Variants in INO80 observed in about 807,000 individuals in gnomAD.
The protein encoded by INO80 is chromatin-remodeling ATPase INO80.
In INO80, 20 loss-of-function variants were observed where a neutral mutation model predicts 203.4. The observed-to-expected ratio is 0.10, with a 90% confidence interval of 0.07 to 0.14. INO80 has a LOEUF of 0.14. Among genes scored for constraint, INO80 ranks in the 10% least tolerant of loss-of-function variants. The pLI is 1.00. For missense variants in INO80, 1,419 were observed against 1,914.4 expected (o/e 0.74, Z 4.83); for synonymous variants, 726 against 685.2 (o/e 1.06, Z -0.93).
intron 23 of INO80, among the ~76,000 whole-genome samples, chr15:41,046,206 C>CATACATACAT (rs1268610100): frequency 1.4e-4 from 2 of 14,426 alleles, no homozygotes; most frequent in Admixed American, 9.7e-4. Context: ...CGTATACATA[C>CATACATACAT]ATATATATAT....
intron 29 of INO80, among the ~76,000 whole-genome samples, chr15:40,990,702 C>T (rs564271624): frequency 5.9e-5 from 9 of 152,258 alleles, no homozygotes; most frequent in East Asian, 3.9e-4. Context: ...CCTGACCACA[C>T]GACATTTTGG....
rs562209653 is a variant in INO80 at position 41,081,245 on chromosome 15, G to T, written c.874-172C>A. ...ATTGTCTCAACGCCATACATAAAACGATTAAAGAAGCATTCAAGAAGAATA... is the reference window on the plus strand; with the variant it reads ...ATTGTCTCAACGCCATACATAAAACTATTAAAGAAGCATTCAAGAAGAATA... On this transcript the variant is annotated intron_variant, in intron 7 of 35. Coordinates refer to ENST00000648947, the MANE Select transcript of INO80 (RefSeq NM_017553.3). Among the ~76,000 whole-genome samples the T allele has an allele frequency of 2.0e-5, 3 of 152,222 alleles. No homozygotes were observed. In the East Asian group the frequency reaches 5.8e-4, roughly 29 times the overall value.
chr15:41,058,722 C>T lies in INO80; in HGVS notation c.1902G>A (p.Val634=), dbSNP rs2045046230. ...GCTGGAAATACTTTACATCCTGCAC[C>T]ACCAGCTGATAGCTGGTAATAACCA... is the stretch of plus-strand genomic sequence containing the variant. ...FHVVITSYQL[V]VQDVKYFQRV... Residue 634 remains valine, a synonymous_variant, in exon 16 of 36, where the codon GTG becomes GTA. Transcript: ENST00000648947. The T allele has an allele frequency of 6.2e-7, 1 of 1,613,770 alleles. No individual in the cohort carries two copies. The highest frequency in any genetic ancestry group is 1.3e-5 in the African/African-American group (1 of 74,878).
chr15:41,028,122 A>G (rs2044404350), intron 24 of INO80, among the ~76,000 whole-genome samples: 1 of 152,078 alleles, frequency 6.6e-6, no homozygotes, highest in Non-Finnish European at 1.5e-5. Context: ...AATGATGACC[A>G]ACACAATTTC....
At position 40,979,851 on chromosome 15, in the gene INO80, G is replaced by A; in HGVS notation, c.*372C>T. 1 of 267,506 alleles carries A rather than the reference G, an allele frequency of 3.7e-6. No homozygotes were observed. The highest frequency in any genetic ancestry group is 7.3e-6 in the Non-Finnish European group (1 of 136,516). The allele number at this position is 267,506 out of a possible 1,614,324, so 16.6% of individuals were successfully genotyped here. ...TGGAAGGCTCTTCACAGCACCTGCG[G>A]AGACTTTGCAAGGGACGTGTCAGAG... On this transcript the variant is annotated 3_prime_UTR_variant, in exon 36 of 36. Coordinates refer to ENST00000648947, the MANE Select transcript of INO80 (RefSeq NM_017553.3).
Position 41,047,484 on chromosome 15 carries a change from A to C in INO80, c.2659T>G (p.Cys887Gly). The change falls in exon 23 of 36, where the codon TGT (cysteine) becomes GGT (glycine). Residue 887 changes from cysteine to glycine, a missense_variant. Transcript: ENST00000648947. The part of the protein sequence containing the change: ...FHRKGINEES[C>G]FSFLRFIDIS... ...TCAATAAAGCGAAGGAAAGAGAAAC[A>C]GCTTTCTTCATTAATACCTGAAATA... 6.2e-7 allele frequency: 1 copy of C among 1,608,672 alleles called. No homozygotes were observed. Among genetic ancestry groups the C allele is most frequent in the Admixed American group, 1.7e-5 (1 of 59,044 alleles).
At chr15:41,077,045 C>T (rs1466971294) in intron 9 of INO80, among the ~76,000 whole-genome samples, 1 of 151,940 alleles carries the variant, frequency 6.6e-6, no homozygotes, top group Non-Finnish European at 1.5e-5. Context: ...GTAGCTAGGA[C>T]TACAGGTGTA....
At chr15:41,095,528 G>T in intron 4 of INO80, 73 bp downstream of exon 4, 2 of 1,053,196 alleles carry the variant, frequency 1.9e-6, no homozygotes, top group Non-Finnish European at 2.9e-6. Context: ...GCCAAAATGA[G>T]TTGATAACTT....
intron 33 of INO80, 119 bp from the exon 34 acceptor site, chr15:40,984,040 T>C (rs1349251983): frequency 7.3e-7 from 1 of 1,365,668 alleles, no homozygotes; most frequent in Non-Finnish European, 1.0e-6. Context: ...AACCAACCTG[T>C]CCTCATTTGT....
At chr15:41,018,242 C>T (rs1486984219) in intron 26 of INO80, 1 of 152,154 alleles carries the variant, frequency 6.6e-6, no homozygotes, top group Non-Finnish European at 1.5e-5. Context: ...TCTCTTAGCA[C>T]AAATGTTAAT....
At chr15:41,041,295 TG>T (rs1451953398) in intron 24 of INO80, among the ~76,000 whole-genome samples, 13 of 152,002 alleles carry the variant, frequency 8.6e-5, no homozygotes, top group Non-Finnish European at 1.9e-4. Flanking sequence ...TTTGTCATGT[TG>T]GCCAGGCTGG....
chr15:41,112,806 A>AC (rs1344698367), intron 1 of INO80, among the ~76,000 whole-genome samples: 2 of 151,338 alleles, frequency 1.3e-5, no homozygotes, highest in Non-Finnish European at 2.9e-5. Context: ...AAAAAAAAAA[A>AC]AAAAAAACTT....
chr15:41,046,108 G>A (rs914389596), intron 23 of INO80, among the ~76,000 whole-genome samples: 2 of 150,250 alleles, frequency 1.3e-5, no homozygotes, highest in African/African-American at 4.9e-5. Flanking sequence ...AGACTTACTA[G>A]AAATTATGGG....
At chr15:41,012,169 G>C (rs759978280) in intron 27 of INO80, among the ~76,000 whole-genome samples, 1 of 152,152 alleles carries the variant, frequency 6.6e-6, no homozygotes, top group Admixed American at 6.5e-5. Flanking sequence ...CCTAACCATG[G>C]TAAAACTGGT....
chr15:41,111,186 C>T (rs748984910), intron 1 of INO80, among the ~76,000 whole-genome samples: 3 of 152,236 alleles, frequency 2.0e-5, no homozygotes, highest in Non-Finnish European at 4.4e-5. Context: ...TGGTTCACGC[C>T]TATAATCCTA....
chr15:41,023,523 G>A (rs1045459332), intron 25 of INO80, among the ~76,000 whole-genome samples: 1 of 151,976 alleles, frequency 6.6e-6, no homozygotes, highest in African/African-American at 2.4e-5. Flanking sequence ...AATCCCAGCA[G>A]TTTGGGAGGC....
intron 34 of INO80, 177 bp from the exon 35 acceptor site, chr15:40,983,254 T>A (rs1443253091): frequency 1.7e-6 from 1 of 589,344 alleles, no homozygotes; most frequent in East Asian, 2.8e-5. Flanking sequence ...CACAGAATAC[T>A]AAGAATTCTA....
intron 11 of INO80, among the ~76,000 whole-genome samples, chr15:41,072,418 T>C (rs1317833510): frequency 6.6e-6 from 1 of 151,724 alleles, no homozygotes; most frequent in Non-Finnish European, 1.5e-5. Context: ...CATCACTATA[T>C]CATACATAAC....
At chr15:40,999,632 TATTTA>T (rs2043931028) in intron 28 of INO80, among the ~76,000 whole-genome samples, 1 of 152,256 alleles carries the variant, frequency 6.6e-6, no homozygotes, top group Non-Finnish European at 1.5e-5. Flanking sequence ...TAATTGTATT[TATTTA>T]ATTCATAAAA....
Sources: gnomAD v4.1 joint callset for allele counts (sites outside exome capture counted in the v4.1 genomes callset) on GRCh38, gnomAD v4.1.1 for gene constraint, MANE v1.5 for transcripts, NCBI Gene and HGNC (gene_info 2026-07-23, HGNC 2026-07-21) for gene names.